The following ANKS1B variants were observed in gnomAD, a reference collection of about 807,000 sequenced individuals.
ANKS1B encodes ankyrin repeat and sterile alpha motif domain containing 1B.
A neutral mutation model predicts 148.3 loss-of-function variants in ANKS1B; 36 were observed. The observed-to-expected ratio is 0.24, with a 90% confidence interval of 0.19 to 0.32. ANKS1B has a LOEUF of 0.32. Among genes scored for constraint, ANKS1B ranks in the 10% least tolerant of loss-of-function variants. ANKS1B has a pLI of 1.00. For missense variants in ANKS1B, 1,157 were observed against 1,542.6 expected, an observed-to-expected ratio of 0.75 and a Z score of 4.19; for synonymous variants, 542 against 560.8, an observed-to-expected ratio of 0.97 and a Z score of 0.47.
At chr12:99,544,395 G>A (rs983953618) in intron 9 of ANKS1B, among the ~76,000 whole-genome samples, 2 of 152,088 alleles carry the variant, frequency 1.3e-5, no homozygotes, top group Non-Finnish European at 1.5e-5. Flanking sequence ...TCCCTACCCG[G>A]ACTCTGGTTC....
In ANKS1B at chr12:99,407,108, A is replaced by T. The variant is rs1594155405; in HGVS notation, c.1576-7297T>A. Among the ~76,000 whole-genome samples, 2 of 145,962 alleles carry T rather than the reference A, an allele frequency of 1.4e-5. 1 individual carries two copies. Among genetic ancestry groups the T allele is most frequent in the Non-Finnish European group, 3.0e-5 (2 of 66,058 alleles). ...AACTACGGGCCAATATTCCTGATGC[A>T]TGTTGATGCAAAAATTCTCAACAAA... On this transcript the variant is annotated intron_variant, in intron 11 of 26. Transcript: ENST00000683438.
chr12:99,935,397 C>T lies in ANKS1B; in HGVS notation c.134+48707G>A, dbSNP rs539585742. Among the ~76,000 whole-genome samples the T allele has an allele frequency of 2.4e-3, 365 of 150,532 alleles. 1 individual carries two copies. The highest frequency in any genetic ancestry group is 4.0e-3 in the Non-Finnish European group (268 of 67,720). On this transcript the variant is annotated intron_variant, in intron 1 of 26. Transcript: ENST00000683438. ...ACTATACAGTTAGCATCTTAAAGAA[C>T]GCACATTTACCATCTCACAGGTTTT...
At chr12:99,884,372 A>C (rs923938890) in intron 1 of ANKS1B, among the ~76,000 whole-genome samples, 4 of 152,234 alleles carry the variant, frequency 2.6e-5, no homozygotes, top group Admixed American at 6.5e-5. Flanking sequence ...ACATTCATTT[A>C]ACTTATGACC....
At chr12:99,352,021 A>T (rs139147216) in intron 12 of ANKS1B, 1 of 152,060 alleles carries the variant, frequency 6.6e-6, no homozygotes, top group Non-Finnish European at 1.5e-5. Flanking sequence ...TCTGAGATTG[A>T]AACTTGACCA....
intron 15 of ANKS1B, among the ~76,000 whole-genome samples, chr12:99,101,356 A>G (rs1211864512): frequency 6.6e-6 from 1 of 152,358 alleles, no homozygotes; most frequent in East Asian, 1.9e-4. Flanking sequence ...GAAGATCTGG[A>G]CTAGGACAGC....
rs79260154 is a variant in ANKS1B, at chr12:99,936,609, C to T, written c.134+47495G>A. Among the ~76,000 whole-genome samples, 960 of 152,200 alleles carry T rather than the reference C, an allele frequency of 6.3e-3. 9 individuals carry two copies. The highest frequency in any genetic ancestry group is 0.022 in the African/African-American group (919 of 41,546). ...TACTGACTGGGAATATCTACTTCTC[C>T]CTTCGCAGTCTTTTATTCAATATAA... On this transcript the variant is annotated intron_variant, in intron 1 of 26. Transcript: ENST00000683438.
intron 14 of ANKS1B, among the ~76,000 whole-genome samples, chr12:99,173,904 G>A (rs545460773): frequency 2.0e-5 from 3 of 152,100 alleles, no homozygotes; most frequent in East Asian, 3.9e-4. Context: ...TGGTGCTGTC[G>A]GTGGCTTCTG....
At chr12:99,078,546 G>A (rs1375901374) in intron 16 of ANKS1B, among the ~76,000 whole-genome samples, 1 of 152,066 alleles carries the variant, frequency 6.6e-6, no homozygotes. Flanking sequence ...TTTTTGAGTG[G>A]CAGTAGCAAA....
At chr12:99,657,459 G>A (rs190240214) in intron 8 of ANKS1B, among the ~76,000 whole-genome samples, 3 of 152,180 alleles carry the variant, frequency 2.0e-5, no homozygotes, top group Non-Finnish European at 4.4e-5. Context: ...AAAGTCCTGA[G>A]AGCATTTTGC....
At chr12:99,565,299 C>T (rs938726782) in intron 9 of ANKS1B, among the ~76,000 whole-genome samples, 1 of 152,136 alleles carries the variant, frequency 6.6e-6, no homozygotes, top group Non-Finnish European at 1.5e-5. Context: ...GGATGAGGCT[C>T]TTCATTGCAA....
chr12:99,154,924 T>C (rs2075825068), intron 14 of ANKS1B: 2 of 1,535,310 alleles, frequency 1.3e-6, no homozygotes, highest in African/African-American at 1.4e-5. Context: ...CAGATTTTTT[T>C]TGTCTGCAAG....
intron 11 of ANKS1B, among the ~76,000 whole-genome samples, chr12:99,414,771 T>G (rs113587574): frequency 1.3e-5 from 2 of 152,212 alleles, no homozygotes; most frequent in African/African-American, 4.8e-5. Context: ...CCATAGCACA[T>G]GTATACCTAT....
At chr12:99,277,849 T>C (rs529915428) in intron 12 of ANKS1B, among the ~76,000 whole-genome samples, 1 of 152,332 alleles carries the variant, frequency 6.6e-6, no homozygotes, top group African/African-American at 2.4e-5. Context: ...TATTGCCCCA[T>C]AGACTATTCC....
At chr12:98,862,585 T>C (rs994556967) in intron 17 of ANKS1B, among the ~76,000 whole-genome samples, 1 of 152,216 alleles carries the variant, frequency 6.6e-6, no homozygotes, top group African/African-American at 2.4e-5. Flanking sequence ...TAAATTCAAA[T>C]AGACACTTTA....
At chr12:99,576,271 T>G (rs534513947) in intron 9 of ANKS1B, among the ~76,000 whole-genome samples, 69 of 151,846 alleles carry the variant, frequency 4.5e-4, no homozygotes, top group African/African-American at 1.5e-3. Context: ...AGACCTACAA[T>G]GATACTTAGA....
intron 9 of ANKS1B, among the ~76,000 whole-genome samples, chr12:99,523,424 G>T (rs2096894699): frequency 6.6e-6 from 1 of 152,184 alleles, no homozygotes; most frequent in African/African-American, 2.4e-5. Flanking sequence ...AACAGGGACA[G>T]ATATTGCAGC....
chr12:99,218,774 T>G (rs7301835), intron 14 of ANKS1B, among the ~76,000 whole-genome samples: 10,154 of 152,222 alleles, frequency 0.067, 1,118 homozygotes, highest in African/African-American at 0.23. Flanking sequence ...GAGGATTACA[T>G]GAACTAATAG....
intron 16 of ANKS1B, among the ~76,000 whole-genome samples, chr12:99,064,066 CTG>C (rs1230004143): frequency 1.3e-5 from 2 of 152,216 alleles, no homozygotes; most frequent in Non-Finnish European, 2.9e-5. Flanking sequence ...CCACCACTGA[CTG>C]AGCCTTACTG....
chr12:99,707,775 C>G (rs1021351597), intron 8 of ANKS1B, among the ~76,000 whole-genome samples: 1 of 152,044 alleles, frequency 6.6e-6, no homozygotes. Context: ...GACTCTCTAC[C>G]TACCAGCTCT....
Sources: gnomAD v4.1 joint callset for allele counts (sites outside exome capture counted in the v4.1 genomes callset) on GRCh38, gnomAD v4.1.1 for gene constraint, MANE v1.5 for transcripts, NCBI Gene and HGNC (gene_info 2026-07-23, HGNC 2026-07-21) for gene names.